Variants in TTLL8 observed in about 807,000 individuals in gnomAD.
TTLL8 encodes tubulin tyrosine ligase like 8, also known as protein monoglycylase TTLL8.
TTLL8 carries 65 observed loss-of-function variants against 77.8 expected under a neutral mutation model. The ratio of observed to expected loss-of-function variants is 0.84; its 90% CI spans 0.68 to 1.03. The LOEUF is 1.03. Among genes scored for constraint, TTLL8 ranks in the 50% least tolerant of loss-of-function variants. TTLL8 has a pLI of 0.00. For missense variants in TTLL8, 910 were observed against 1,004.5 expected (o/e 0.91, Z 1.27); for synonymous variants, 402 against 422.8 (o/e 0.95, Z 0.60).
At chr22:50,032,230 CT>C (rs1190629696) in intron 10 of TTLL8, 121 bp from the exon 12 acceptor site, 11 of 1,051,434 alleles carry the variant, frequency 1.0e-5, no homozygotes, top group African/African-American at 1.7e-5. Flanking sequence ...CCCCTGAGGA[CT>C]CCAACCCTCT....
chr22:50,056,679 C>T (rs964416336), upstream of TTLL8: 2 of 875,390 alleles, frequency 2.3e-6, no homozygotes, highest in African/African-American at 3.6e-5. The surrounding 1 kb of genome is among the most constrained non-coding windows in gnomAD (Gnocchi z 4.1). Context: ...GAGGCAGGAG[C>T]CAGCGCCCCC....
At chr22:50,050,697 A>G (rs935873573) in intron 1 of TTLL8, among the ~76,000 whole-genome samples, 1 of 152,134 alleles carries the variant, frequency 6.6e-6, no homozygotes, top group African/African-American at 2.4e-5. Context: ...AATAATAATA[A>G]CATCAACCCC....
intron 4 of TTLL8, among the ~76,000 whole-genome samples, chr22:50,046,264 C>A (rs904177770): frequency 6.6e-6 from 1 of 152,112 alleles, no homozygotes; most frequent in Non-Finnish European, 1.5e-5. Context: ...GCACCGAGGG[C>A]GGTGGGCACT....
chr22:50,046,992 TG>T, intron 4 of TTLL8, 175 bp downstream of exon 6: 3 of 756,532 alleles, frequency 4.0e-6, no homozygotes, highest in Non-Finnish European at 4.8e-6. Context: ...ACAGGGGTGC[TG>T]GGGGTGGGGT....
At chr22:50,052,942 C>A (rs879381271) in intron 1 of TTLL8, among the ~76,000 whole-genome samples, 3 of 152,140 alleles carry the variant, frequency 2.0e-5, no homozygotes, top group African/African-American at 7.2e-5. Flanking sequence ...CTCACTCTGG[C>A]GGAGCACGGT....
chr22:50,042,512 C>T (rs763812891), intron 6 of TTLL8, among the ~76,000 whole-genome samples: 24 of 152,134 alleles, frequency 1.6e-4, no homozygotes, highest in Non-Finnish European at 2.5e-4. Context: ...TGAACAGTCA[C>T]CTCACCAAAA....
At chr22:50,029,894 G>A (rs1322103271) in intron 12 of TTLL8, among the ~76,000 whole-genome samples, 3 of 151,936 alleles carry the variant, frequency 2.0e-5, no homozygotes, top group Non-Finnish European at 4.4e-5. Context: ...CCTTCTCCGC[G>A]ACTCTGAGGC....
chr22:50,057,942 G>T (rs575041007), upstream of TTLL8, among the ~76,000 whole-genome samples: 6 of 152,020 alleles, frequency 3.9e-5, no homozygotes, highest in Admixed American at 2.6e-4. Context: ...CAGGTTTAGT[G>T]GGGGAGTTCT....
chr22:50,032,215 C>A (rs575566878), intron 10 of TTLL8, 106 bp from the exon 12 acceptor site: 2 of 1,204,236 alleles, frequency 1.7e-6, no homozygotes, highest in Non-Finnish European at 2.2e-6. Context: ...CTCTAGAGAA[C>A]CCTGCCCCTG....
rs2061398152 is a variant in TTLL8, at chr22:50,044,830, G to A, written c.643+425C>T. 6.6e-6 allele frequency among the ~76,000 whole-genome samples: 1 copy of A among 152,168 alleles called. No homozygotes were observed. Among genetic ancestry groups the A allele is most frequent in the Admixed American group, 6.5e-5 (1 of 15,276 alleles). On this transcript the variant is annotated intron_variant, in intron 6 of 13. Transcript: ENST00000266182. The surrounding 1 kb of genome is among the most constrained non-coding windows in gnomAD (Gnocchi z 4.2). ...TTGGGTTTTGTCCAAAAACACGACG[G>A]CTGGTTCACATCCCTGTACCACCCA...
At chr22:50,050,152 G>A in exon 2 of TTLL8, 1 of 1,367,154 alleles carries the variant, frequency 7.3e-7, no homozygotes, top group Non-Finnish European at 9.8e-7. Context: ...GAATGACCTT[G>A]GGCAAAAAGT....
rs201587785 is a variant in TTLL8, at chr22:50,034,402, G to A, written c.982C>T (p.Arg328Trp). 7.2e-5 allele frequency: 99 copies of A among 1,367,308 alleles called. No individual in the cohort carries two copies. In the Admixed American group the frequency reaches 7.8e-4, roughly 11 times the overall value. 84.7% of individuals were successfully genotyped at this position (1,367,308 alleles called of 1,614,324 possible). ...GCGGGCTTTATAATCCAGATGTTCC[G>A]GAGCCCGTCAATGTCCGTCTGAGGG... The change falls in exon 9 of 14, where the codon CGG (arginine) becomes TGG (tryptophan). Residue 328 changes from arginine (R) to tryptophan (W), a missense_variant. Around this residue, in one of 2 missense-constraint regions of TTLL8, gnomAD observed 776 missense variants for 926.1 expected, o/e 0.84. Coordinates refer to ENST00000266182, the Ensembl canonical transcript of TTLL8. This position sits in a 1 kb window ranked among gnomAD's most constrained non-coding sequence, Gnocchi z 4.1.
At chr22:50,056,905 C>A (rs765460136), upstream of TTLL8, 27 of 1,289,608 alleles carry the variant, frequency 2.1e-5, no homozygotes, top group Non-Finnish European at 2.6e-5. The surrounding 1 kb of genome is among the most constrained non-coding windows in gnomAD (Gnocchi z 4.1). Flanking sequence ...GAAGAAGAAG[C>A]CAACGATAGC....
At chr22:50,018,791 C>A (rs897720038) in intron 12 of TTLL8, among the ~76,000 whole-genome samples, 8 of 152,192 alleles carry the variant, frequency 5.3e-5, no homozygotes, top group African/African-American at 1.9e-4. Flanking sequence ...CTGTCATGAA[C>A]CTGTGTGGAA....
At chr22:50,055,902 C>T (rs2061468295), upstream of TTLL8, among the ~76,000 whole-genome samples, 1 of 151,960 alleles carries the variant, frequency 6.6e-6, no homozygotes, top group African/African-American at 2.4e-5. Context: ...GGCTGCATTC[C>T]CAGATGGTGA....
upstream of TTLL8, among the ~76,000 whole-genome samples, chr22:50,057,132 G>C (rs1386194115): frequency 2.0e-5 from 3 of 149,098 alleles, no homozygotes; most frequent in Non-Finnish European, 4.4e-5. Flanking sequence ...GTCTGGAGTT[G>C]GGAGGTCAGG....
At position 50,028,612 on chromosome 22, in the gene TTLL8, CGTCCTG is replaced by C. The variant is rs1569221098; in HGVS notation, c.2203+1812_2203+1817del. 7.1e-3 allele frequency among the ~76,000 whole-genome samples: 1,002 copies of C among 141,700 alleles called. 17 individuals are homozygous for C. The highest frequency in any genetic ancestry group is 0.016 in the South Asian group (69 of 4,238). The allele number at this position is 141,700 out of a possible 152,430, so 93.0% of individuals were successfully genotyped here. A position where few individuals can be genotyped will look rare whatever the true frequency, so the allele number is the denominator to read the frequency against. The stretch of plus-strand genomic sequence containing the variant: ...GCCCTCGTAAAGACCCCCATCACAC[CGTCCTG>C]AAGACCCCCACATACCCTCGTAAAG... On this transcript the variant is annotated intron_variant, in intron 12 of 13. Coordinates refer to ENST00000266182, the Ensembl canonical transcript of TTLL8.
chr22:50,040,825 A>G (rs573289124), intron 8 of TTLL8, among the ~76,000 whole-genome samples: 37 of 152,162 alleles, frequency 2.4e-4, no homozygotes, highest in Non-Finnish European at 4.7e-4. Flanking sequence ...GCACCTGCTC[A>G]TGCTCCGGGG....
At chr22:50,032,900 G>GTGC (rs1389536404) in intron 10 of TTLL8, among the ~76,000 whole-genome samples, 6 of 152,232 alleles carry the variant, frequency 3.9e-5, no homozygotes, top group Non-Finnish European at 8.8e-5. Context: ...CAGGGCCCAG[G>GTGC]TGCTGCCCAC....
Sources: allele counts gnomAD v4.1 joint callset (sites outside exome capture counted in the v4.1 genomes callset), GRCh38; gene constraint gnomAD v4.1.1; regional missense constraint gnomAD v4.1.1; non-coding constraint Gnocchi (gnomAD v3.1); transcripts MANE v1.5; gene names NCBI Gene and HGNC (gene_info 2026-07-23, HGNC 2026-07-21).